ZBTB10: variants seen among roughly 807,000 people sequenced by gnomAD.
ZBTB10 encodes the protein zinc finger and BTB domain-containing protein 10.
ZBTB10 carries 32 observed loss-of-function variants against 76.4 expected under a neutral mutation model. That is an observed-to-expected ratio of 0.42 (90% CI 0.32 to 0.56). The LOEUF (loss-of-function observed/expected upper bound fraction) is 0.56. ZBTB10 is among the 20% of genes least tolerant of loss of function. The pLI is 0.14. For missense variants in ZBTB10, 1,057 were observed against 1,098.5 expected (o/e 0.96, Z 0.53); for synonymous variants, 523 against 432.9 (o/e 1.21, Z -2.58).
At chr8:80,497,028 A>G (rs1563458882) in intron 1 of ZBTB10, among the ~76,000 whole-genome samples, 1 of 152,214 alleles carries the variant, frequency 6.6e-6, no homozygotes, top group Non-Finnish European at 1.5e-5. Context: ...TATAGAGAGC[A>G]TAGGCAAATT....
intron 2 of ZBTB10, among the ~76,000 whole-genome samples, chr8:80,506,297 A>T (rs1482739788): frequency 6.6e-6 from 1 of 151,830 alleles, no homozygotes; most frequent in Non-Finnish European, 1.5e-5. Flanking sequence ...GTGAATATTC[A>T]TGGGTTTTTT....
chr8:80,515,911 C>G (rs1242280525), intron 3 of ZBTB10, among the ~76,000 whole-genome samples: 1 of 152,202 alleles, frequency 6.6e-6, no homozygotes, highest in South Asian at 2.1e-4. Context: ...ATTTAGGCCA[C>G]TCTTGTAATT....
chr8:80,501,893 C>A (rs960854343), intron 2 of ZBTB10, among the ~76,000 whole-genome samples: 4 of 152,174 alleles, frequency 2.6e-5, no homozygotes, highest in Non-Finnish European at 5.9e-5. Context: ...CTCATTAGAG[C>A]TACGTTGTCT....
Position 80,487,401 on chromosome 8 carries a change from C to G in ZBTB10, c.591C>G (p.Ser197Arg). ...AGGGGGCGAGCCTGGGCGACGGCAGCGGGGCGGAAGGCGGCAGCTGCAGCA... is the reference window on the plus strand; with the variant it reads ...AGGGGGCGAGCCTGGGCGACGGCAGGGGGGCGGAAGGCGGCAGCTGCAGCA... ...EEEGASLGDG[S>R]GAEGGSCSSS... Residue 197 changes from serine to arginine, a missense_variant, in exon 1 of 6, where the codon AGC becomes AGG. Physicochemically the swap from Ser to Arg is moderately radical, Grantham distance 110. This residue lies in a region of ZBTB10 where 556 missense variants were observed against 451.7 expected (regional missense o/e 1.23). Transcript: ENST00000455036. 1 of 1,535,170 alleles carries G rather than the reference C, an allele frequency of 6.5e-7. No homozygotes were observed. The highest frequency in any genetic ancestry group is 8.8e-7 in the Non-Finnish European group (1 of 1,138,124).
chr8:80,520,623 T>C lies in ZBTB10; in HGVS notation c.*1095T>C, dbSNP rs1816428626. On this transcript the variant is annotated 3_prime_UTR_variant, in exon 6 of 6. Transcript: ENST00000455036. ...AAAATGTGCATTCTCTTTTGTTTCA[T>C]ACTTAGCGGGATATTGATTGTTTTG... 6.6e-6 allele frequency: 1 copy of C among 152,296 alleles called. No individual in the cohort carries two copies. The allele number at this position is 152,296 out of a possible 1,614,324, so 9.4% of individuals were successfully genotyped here.
intron 3 of ZBTB10, among the ~76,000 whole-genome samples, chr8:80,516,543 C>T (rs1816330073): frequency 6.6e-6 from 1 of 151,938 alleles, no homozygotes; most frequent in Non-Finnish European, 1.5e-5. Flanking sequence ...TTCTTTATCC[C>T]TCACACAGAA....
At position 80,525,593 on chromosome 8, in the gene ZBTB10, A is replaced by G. The variant is rs1262978193; in HGVS notation, c.*6065A>G. Reference sequence around the variant, plus strand: ...AATTATTTAGGTTGAAAGAGACTGTAAGAGACTAATGAAGCATACCCAGAG... The same window carrying G: ...AATTATTTAGGTTGAAAGAGACTGTGAGAGACTAATGAAGCATACCCAGAG... On this transcript the variant is annotated 3_prime_UTR_variant, in exon 6 of 6. Coordinates refer to ENST00000455036, the MANE Select transcript of ZBTB10 (RefSeq NM_001105539.3). 6.6e-6 allele frequency: 1 copy of G among 152,174 alleles called. No homozygotes were observed. The highest frequency in any genetic ancestry group is 1.5e-5 in the Non-Finnish European group (1 of 68,012). 9.4% of individuals were successfully genotyped at this position (152,174 alleles called of 1,614,324 possible).
Position 80,524,950 on chromosome 8 carries a change from G to A in ZBTB10, c.*5422G>A, listed in dbSNP as rs545206929. Reference sequence around the variant, plus strand: ...TTGGATTTGTGCTTAGTTTTTTTTAGGTGTTGGGACCCTTGTAGTTGCTTT... The same window carrying A: ...TTGGATTTGTGCTTAGTTTTTTTTAAGTGTTGGGACCCTTGTAGTTGCTTT... On this transcript the variant is annotated 3_prime_UTR_variant, in exon 6 of 6. Transcript: ENST00000455036. 2.0e-5 allele frequency: 3 copies of A among 151,796 alleles called. No homozygotes were observed. Among genetic ancestry groups the A allele is most frequent in the African/African-American group, 7.3e-5 (3 of 41,350 alleles). The allele number at this position is 151,796 out of a possible 1,614,324, so 9.4% of individuals were successfully genotyped here. A position where few individuals can be genotyped will look rare whatever the true frequency, so the allele number is the denominator to read the frequency against.
intron 1 of ZBTB10, among the ~76,000 whole-genome samples, chr8:80,493,416 AG>A (rs1815695408): frequency 6.6e-6 from 1 of 152,198 alleles, no homozygotes; most frequent in Non-Finnish European, 1.5e-5. Flanking sequence ...AGTTTTAAGC[AG>A]GGGAGAATCA....
chr8:80,493,800 GACA>G (rs1815712263), intron 1 of ZBTB10, among the ~76,000 whole-genome samples: 1 of 152,284 alleles, frequency 6.6e-6, no homozygotes, highest in Non-Finnish European at 1.5e-5. Flanking sequence ...CTTGTGCTTG[GACA>G]ACAAGAGCGA....
At chr8:80,489,229 G>A (rs1815562496) in intron 1 of ZBTB10, among the ~76,000 whole-genome samples, 1 of 152,186 alleles carries the variant, frequency 6.6e-6, no homozygotes, top group Non-Finnish European at 1.5e-5. Context: ...GTGAGCTTGG[G>A]CAATAGAGTG....
intron 2 of ZBTB10, among the ~76,000 whole-genome samples, chr8:80,511,050 A>T (rs920338541): frequency 6.6e-6 from 1 of 152,204 alleles, no homozygotes; most frequent in Non-Finnish European, 1.5e-5. Flanking sequence ...GTGACGTAAT[A>T]TATTGGTTCC....
chr8:80,504,823 A>C (rs1208469223), intron 2 of ZBTB10, among the ~76,000 whole-genome samples: 2 of 152,224 alleles, frequency 1.3e-5, no homozygotes, highest in African/African-American at 4.8e-5. Context: ...TAGCCAAATA[A>C]AGTAGATAAC....
intron 1 of ZBTB10, among the ~76,000 whole-genome samples, chr8:80,489,313 C>T (rs898025103): frequency 6.6e-6 from 1 of 152,130 alleles, no homozygotes; most frequent in Non-Finnish European, 1.5e-5. Context: ...TTTTTGTTCC[C>T]ATTTTACAGA....
At chr8:80,518,121 C>T (rs939348422) in intron 3 of ZBTB10, among the ~76,000 whole-genome samples, 3 of 151,902 alleles carry the variant, frequency 2.0e-5, no homozygotes, top group Non-Finnish European at 2.9e-5. Flanking sequence ...TCTGCCTCAG[C>T]CTCGCAAAGT....
In ZBTB10 at chr8:80,487,705, A is replaced by T; in HGVS notation, c.895A>T (p.Thr299Ser). The T allele has an allele frequency of 1.2e-6, 2 of 1,613,714 alleles. No homozygotes were observed. The highest frequency in any genetic ancestry group is 8.5e-7 in the Non-Finnish European group (1 of 1,179,828). The change falls in exon 1 of 6, where the codon ACC becomes TCC. Residue 299 changes from threonine (T) to serine (S), a missense_variant. Thr to Ser is a moderately conservative substitution (Grantham distance 58). Around this residue, in one of 5 missense-constraint regions of ZBTB10, gnomAD observed 556 missense variants for 451.7 expected, o/e 1.23. Coordinates refer to ENST00000455036, the MANE Select transcript of ZBTB10 (RefSeq NM_001105539.3). ...PVGHDELSRG[T>S]RNYKKTLLLR... Reference sequence around the variant, plus strand: ...GGGGCATGATGAGCTTTCGCGAGGGACCCGCAACTACAAGAAAACCCTCCT... The same window carrying T: ...GGGGCATGATGAGCTTTCGCGAGGGTCCCGCAACTACAAGAAAACCCTCCT...
At chr8:80,519,102 G>A (rs1309253162) in intron 5 of ZBTB10, 121 bp from the exon 6 acceptor site, 1 of 1,402,400 alleles carries the variant, frequency 7.1e-7, no homozygotes, top group Non-Finnish European at 9.5e-7. Flanking sequence ...CTGATAGTGA[G>A]CTTTTTACAG....
rs1356356056 is a variant in ZBTB10, at chr8:80,523,972, TC to T, written c.*4446del. 6.6e-6 allele frequency: 1 copy of T among 152,014 alleles called. No individual in the cohort carries two copies. The highest frequency in any genetic ancestry group is 2.4e-5 in the African/African-American group (1 of 41,436). 9.4% of individuals were successfully genotyped at this position (152,014 alleles called of 1,614,324 possible). On this transcript the variant is annotated 3_prime_UTR_variant, in exon 6 of 6. Coordinates refer to ENST00000455036, the MANE Select transcript of ZBTB10 (RefSeq NM_001105539.3). ...GTGTCCTAAGACATGTATGTAAACT[TC>T]CGGAACTGTTTTGTCTGTGTATTTA...
rs1700695832 is a variant in ZBTB10 at position 80,486,665 on chromosome 8, G to A, written c.-146G>A. ...GGGAGCGAGCGCGAGCCGGGCTGCC[G>A]GGCGAGAGGGCGAGGCCGAGCCCCG... On this transcript the variant is annotated 5_prime_UTR_variant, in exon 1 of 6. Coordinates refer to ENST00000455036, the MANE Select transcript of ZBTB10 (RefSeq NM_001105539.3). 3 of 989,524 alleles carry A rather than the reference G, an allele frequency of 3.0e-6. No homozygotes were observed. The highest frequency in any genetic ancestry group is 3.5e-5 in the African/African-American group (2 of 57,040). The allele number at this position is 989,524 out of a possible 1,614,324, so 61.3% of individuals were successfully genotyped here. A position where few individuals can be genotyped will look rare whatever the true frequency, so the allele number is the denominator to read the frequency against.
Sources: gnomAD v4.1 joint callset for allele counts (sites outside exome capture counted in the v4.1 genomes callset) on GRCh38, gnomAD v4.1.1 for gene constraint, gnomAD v4.1.1 regional missense constraint, MANE v1.5 for transcripts, NCBI Gene and HGNC (gene_info 2026-07-23, HGNC 2026-07-21) for gene names.